Variants in TBL1X observed in about 807,000 individuals in gnomAD.
TBL1X encodes transducin beta like 1 X-linked.
A neutral mutation model predicts 50.7 loss-of-function variants in TBL1X; 10 were observed. That is an observed-to-expected ratio of 0.20 (90% confidence interval 0.12 to 0.33). The LOEUF (loss-of-function observed/expected upper bound fraction) is 0.33. TBL1X is among the 10% of genes least tolerant of loss of function. The pLI is 1.00. For synonymous variants in TBL1X, 190 were observed against 214.7 expected, an observed-to-expected ratio of 0.88 and a Z score of 1.01; for missense variants, 340 against 504.4, an observed-to-expected ratio of 0.67 and a Z score of 3.12.
At chrX:9,703,871 T>C (rs1323905102) in intron 12 of TBL1X, among the ~76,000 whole-genome samples, 1 of 112,404 alleles carries the variant, frequency 8.9e-6, no homozygotes, top group Non-Finnish European at 1.9e-5. Context: ...TTCAGTGCCC[T>C]TGCTGTCACC....
chrX:9,699,515 G>C (rs1222768453), intron 12 of TBL1X, among the ~76,000 whole-genome samples: 1 of 111,727 alleles, frequency 9.0e-6, no homozygotes, highest in Non-Finnish European at 1.9e-5. Context: ...GGAGATCTGA[G>C]TGTCTTTCTT....
intron 2 of TBL1X, among the ~76,000 whole-genome samples, chrX:9,591,992 G>A (rs1264315594): frequency 8.9e-6 from 1 of 112,363 alleles, no homozygotes; most frequent in East Asian, 2.8e-4. Flanking sequence ...ACTCTTTTGA[G>A]TTGGAATATA....
At chrX:9,515,644 T>C (rs989367193) in intron 2 of TBL1X, among the ~76,000 whole-genome samples, 3 of 112,318 alleles carry the variant, frequency 2.7e-5, no homozygotes, top group Middle Eastern at 4.6e-3. Flanking sequence ...GGAGTGAAAT[T>C]GCAGAAGCCT....
intron 2 of TBL1X, among the ~76,000 whole-genome samples, chrX:9,559,429 G>A (rs2082314833): frequency 9.0e-6 from 1 of 110,814 alleles, no homozygotes; most frequent in Non-Finnish European, 1.9e-5. Context: ...GTGTGTTAGT[G>A]TCATCTTATT....
chrX:9,693,109 AAGTT>A (rs2083109293), intron 9 of TBL1X, 36 bp from the exon 10 acceptor site: 2 of 1,201,949 alleles, frequency 1.7e-6, no homozygotes, highest in Non-Finnish European at 2.3e-6. Flanking sequence ...TGCCGCTCCT[AAGTT>A]GTTTTTGTGG....
intron 3 of TBL1X, among the ~76,000 whole-genome samples, chrX:9,643,338 T>C (rs1414893017): frequency 4.5e-5 from 5 of 111,416 alleles, no homozygotes; most frequent in African/African-American, 6.5e-5. Context: ...GGAGTCCTGC[T>C]CACCGCTGCT....
chrX:9,629,971 T>G lies in TBL1X; in HGVS notation c.-130-10302T>G, dbSNP rs891538472. The stretch of plus-strand genomic sequence containing the variant: ...CTACTACCCCCGTCCAAGCACTTCC[T>G]TGGCTCTAGTATGTCCTCATGAGCA... On this transcript the variant is annotated intron_variant, in intron 2 of 17. Coordinates refer to ENST00000645353, the MANE Select transcript of TBL1X (RefSeq NM_005647.4). 3.6e-5 allele frequency among the ~76,000 whole-genome samples: 4 copies of G among 111,260 alleles called. No homozygotes were observed. The Admixed American group carries it at 3.8e-4, about 11-fold the overall frequency.
chrX:9,626,630 C>T (rs2238870), intron 2 of TBL1X, among the ~76,000 whole-genome samples: 4,154 of 112,212 alleles, frequency 0.037, 203 homozygotes, highest in African/African-American at 0.13. Flanking sequence ...TTTGCTTTCC[C>T]GATGATTTCA....
chrX:9,577,792 G>A (rs2082419987), intron 2 of TBL1X, among the ~76,000 whole-genome samples: 1 of 112,400 alleles, frequency 8.9e-6, no homozygotes, highest in Admixed American at 9.4e-5. Flanking sequence ...GCCAAGGCCA[G>A]GACAGTTAGC....
intron 5 of TBL1X, among the ~76,000 whole-genome samples, chrX:9,673,982 C>T (rs912241126): frequency 8.9e-6 from 1 of 112,083 alleles, no homozygotes; most frequent in Non-Finnish European, 1.9e-5. Context: ...AGGAGAATCA[C>T]TTGAACCCGG....
intron 2 of TBL1X, among the ~76,000 whole-genome samples, chrX:9,541,528 A>G (rs1267790142): frequency 8.9e-6 from 1 of 112,647 alleles, no homozygotes; most frequent in Non-Finnish European, 1.9e-5. Flanking sequence ...GATGAGAAAC[A>G]AAAAACAGGG....
At chrX:9,478,096 CA>C (rs888612325) in intron 1 of TBL1X, among the ~76,000 whole-genome samples, 1 of 111,833 alleles carries the variant, frequency 8.9e-6, no homozygotes, top group African/African-American at 3.3e-5. Flanking sequence ...TCAGGATAAC[CA>C]TGGACTAGTT....
At chrX:9,495,834 G>A (rs146608459) in intron 1 of TBL1X, among the ~76,000 whole-genome samples, 110 of 111,878 alleles carry the variant, frequency 9.8e-4, no homozygotes, top group African/African-American at 3.5e-3. Flanking sequence ...ACTGTGAATA[G>A]ACTGCGAAAA....
intron 5 of TBL1X, 96 bp downstream of exon 5, chrX:9,654,418 G>A: frequency 1.0e-6 from 1 of 964,488 alleles, no homozygotes; most frequent in African/African-American, 1.9e-5. Flanking sequence ...TGTAGAAGAA[G>A]AAGAAGAAGA....
chrX:9,686,855 A>T (rs1255572319), intron 6 of TBL1X, among the ~76,000 whole-genome samples: 1 of 112,535 alleles, frequency 8.9e-6, no homozygotes, highest in Non-Finnish European at 1.9e-5. Context: ...ATCGGTCACC[A>T]TTGTCCACTC....
intron 15 of TBL1X, among the ~76,000 whole-genome samples, chrX:9,710,991 T>G (rs1000659646): frequency 8.9e-6 from 1 of 112,263 alleles, no homozygotes; most frequent in Non-Finnish European, 1.9e-5. Flanking sequence ...TGTAGGGGCA[T>G]TTTAGGAAAC....
intron 5 of TBL1X, among the ~76,000 whole-genome samples, chrX:9,664,092 T>G (rs1442731633): frequency 8.9e-6 from 1 of 112,056 alleles, no homozygotes; most frequent in Non-Finnish European, 1.9e-5. Flanking sequence ...TGCCTCCTAC[T>G]TAGTGGTGTT....
chrX:9,656,047 G>A (rs768745424), intron 5 of TBL1X, among the ~76,000 whole-genome samples: 1 of 112,738 alleles, frequency 8.9e-6, no homozygotes, highest in Non-Finnish European at 1.9e-5. Context: ...CCTGTGATTG[G>A]CTGTTGCCAG....
At chrX:9,598,544 C>A (rs1388362186) in intron 2 of TBL1X, among the ~76,000 whole-genome samples, 3 of 111,721 alleles carry the variant, frequency 2.7e-5, no homozygotes, top group African/African-American at 9.8e-5. Flanking sequence ...GGATGATGTC[C>A]AAGACTGGCC....
Sources: gnomAD v4.1 joint callset for allele counts (sites outside exome capture counted in the v4.1 genomes callset) on GRCh38, gnomAD v4.1.1 for gene constraint, MANE v1.5 for transcripts, NCBI Gene and HGNC (gene_info 2026-07-23, HGNC 2026-07-21) for gene names.